The following NUDT7 variants were observed in gnomAD, a reference collection of about 807,000 sequenced individuals.
NUDT7 encodes the protein peroxisomal coenzyme A diphosphatase NUDT7.
NUDT7 carries 19 observed loss-of-function variants against 13.1 expected under a neutral mutation model. The observed-to-expected ratio is 1.45, with a 90% CI of 1.01 to 2.13. The LOEUF is 2.13. Among genes scored for constraint, NUDT7 ranks in the 30% most tolerant of loss-of-function variants. The pLI, the probability that NUDT7 is intolerant of heterozygous loss-of-function variation, is 0.00. For synonymous variants in NUDT7, 132 were observed against 109.7 expected (o/e 1.20, Z -1.27); for missense variants, 360 against 291.7 (o/e 1.23, Z -1.71).
intron 2 of NUDT7, 98 bp from the exon 3 acceptor site, chr16:77,735,730 C>A: frequency 2.7e-6 from 3 of 1,124,318 alleles, no homozygotes; most frequent in South Asian, 1.5e-5. Context: ...TAAGAATGGT[C>A]TCTGGTACAA....
intron 2 of NUDT7, among the ~76,000 whole-genome samples, chr16:77,733,594 A>G (rs16946398): frequency 0.1 from 15,628 of 152,284 alleles, 919 homozygotes; most frequent in African/African-American, 0.16. Context: ...TAGGTGCTAA[A>G]AATGGCAACA....
intron 2 of NUDT7, among the ~76,000 whole-genome samples, chr16:77,728,198 A>T (rs1033686163): frequency 6.6e-6 from 1 of 152,070 alleles, no homozygotes; most frequent in Admixed American, 6.5e-5. Flanking sequence ...ACCCTTCTCA[A>T]ATGTGCAATC....
chr16:77,738,517 A>T (rs17773587), intron 3 of NUDT7, among the ~76,000 whole-genome samples: 18,564 of 152,170 alleles, frequency 0.12, 1,236 homozygotes, highest in African/African-American at 0.16. Context: ...GCATAATCTA[A>T]TCTACGTGGC....
chr16:77,737,555 G>C (rs578154488), intron 3 of NUDT7: 1 of 151,648 alleles, frequency 6.6e-6, no homozygotes, highest in East Asian at 1.9e-4. Flanking sequence ...GTGCAAACTC[G>C]GCTCACTGCA....
chr16:77,734,073 G>A (rs543232586), intron 2 of NUDT7, among the ~76,000 whole-genome samples: 2 of 152,210 alleles, frequency 1.3e-5, no homozygotes, highest in Admixed American at 6.5e-5. Flanking sequence ...GGCAATGCGG[G>A]GAAAGAGGAG....
At chr16:77,723,406 A>C (rs751388608) in intron 1 of NUDT7, among the ~76,000 whole-genome samples, 15 of 152,074 alleles carry the variant, frequency 9.9e-5, no homozygotes, top group Admixed American at 6.5e-5. Flanking sequence ...AAGAGGCAAA[A>C]AATAGCAAAT....
At chr16:77,735,230 C>T (rs28730364) in intron 2 of NUDT7, among the ~76,000 whole-genome samples, 3,465 of 152,152 alleles carry the variant, frequency 0.023, 139 homozygotes, top group African/African-American at 0.078. Flanking sequence ...CATGTTCAGT[C>T]GTAAACCCCA....
At chr16:77,733,282 G>A (rs778246876) in intron 2 of NUDT7, among the ~76,000 whole-genome samples, 6 of 152,218 alleles carry the variant, frequency 3.9e-5, no homozygotes, top group African/African-American at 1.4e-4. Context: ...TGGAGGCTGG[G>A]AAGTCCAAGA....
intron 2 of NUDT7, 79 bp from the exon 3 acceptor site, chr16:77,735,749 T>G: frequency 7.6e-7 from 1 of 1,307,380 alleles, no homozygotes; most frequent in South Asian, 1.4e-5. Flanking sequence ...AAAATAGAAG[T>G]CCAGTAAGTA....
Position 77,722,573 on chromosome 16 carries a change from C to A in NUDT7, c.-10C>A. 1.9e-6 allele frequency: 3 copies of A among 1,586,832 alleles called. No homozygotes were observed. The highest frequency in any genetic ancestry group is 2.6e-6 in the Non-Finnish European group (3 of 1,165,730). On this transcript the variant is annotated 5_prime_UTR_variant, in exon 1 of 4. Coordinates refer to ENST00000268533, the MANE Select transcript of NUDT7 (RefSeq NM_001105663.3). ...AGGAGTCCGCCCGGAAACAAACATT[C>A]CCCAGGGCAATGTCACGACTTGGTC... is the stretch of plus-strand genomic sequence containing the variant.
chr16:77,739,047 C>T (rs999440365), intron 3 of NUDT7, among the ~76,000 whole-genome samples: 5 of 152,160 alleles, frequency 3.3e-5, no homozygotes, highest in Admixed American at 6.5e-5. Context: ...GCAGCAACCA[C>T]GAATATTTAC....
chr16:77,741,346 A>T, intron 3 of NUDT7: 1 of 435,138 alleles, frequency 2.3e-6, no homozygotes. Context: ...AAAAGATTGT[A>T]CTACTTTATG....
rs187896516 is a variant in NUDT7, at chr16:77,736,901, A to C, written c.348+915A>C. 3.1e-3 allele frequency among the ~76,000 whole-genome samples: 470 copies of C among 152,284 alleles called. 3 individuals carry two copies. Among genetic ancestry groups the C allele is most frequent in the African/African-American group, 0.011 (443 of 41,556 alleles). Reference sequence around the variant, plus strand: ...TTTACCATATAAATGTTTTAATAAAACCTTTAATTTTAATTTCAGAATAGC... The same window carrying C: ...TTTACCATATAAATGTTTTAATAAACCCTTTAATTTTAATTTCAGAATAGC... On this transcript the variant is annotated intron_variant, in intron 3 of 3. Coordinates refer to ENST00000268533, the MANE Select transcript of NUDT7 (RefSeq NM_001105663.3).
At chr16:77,732,326 CAAAAA>C (rs371733996) in intron 2 of NUDT7, among the ~76,000 whole-genome samples, 1 of 124,160 alleles carries the variant, frequency 8.1e-6, no homozygotes, top group Non-Finnish European at 1.7e-5. Flanking sequence ...GAACACGTCT[CAAAAA>C]AAAAAAAGAA....
chr16:77,725,424 A>G lies in NUDT7; in HGVS notation c.36-7A>G. On this transcript the variant is annotated splice_region_variant and splice_polypyrimidine_tract_variant and intron_variant, in intron 1 of 3. Transcript: ENST00000268533. The stretch of plus-strand genomic sequence containing the variant: ...TAAAATGTCTGTCTGGTTTGTTTTT[A>G]TTTTAGAAACAGTTTGCTAGATGAT... The G allele has an allele frequency of 1.2e-6, 2 of 1,606,074 alleles. No homozygotes were observed. Among genetic ancestry groups the G allele is most frequent in the African/African-American group, 1.3e-5 (1 of 74,706 alleles).
At chr16:77,724,839 G>C (rs2014079319) in intron 1 of NUDT7, among the ~76,000 whole-genome samples, 1 of 152,218 alleles carries the variant, frequency 6.6e-6, no homozygotes, top group Non-Finnish European at 1.5e-5. Context: ...TTCTCAGAAT[G>C]TGTTCCCCTG....
At chr16:77,739,301 T>C (rs981882210) in intron 3 of NUDT7, among the ~76,000 whole-genome samples, 9 of 152,206 alleles carry the variant, frequency 5.9e-5, no homozygotes, top group Admixed American at 1.3e-4. Context: ...TTTATGGTTA[T>C]TTCTTGATCA....
In NUDT7 at chr16:77,735,964, G is replaced by A. The variant is rs1384136873; in HGVS notation, c.326G>A (p.Cys109Tyr). Residue 109 changes from cysteine to tyrosine, a missense_variant, in exon 3 of 4, where the codon TGC (cysteine) becomes TAC (tyrosine). Cys to Tyr is a radical substitution (Grantham distance 194). Transcript: ENST00000268533. The part of the protein sequence containing the change: ...LRPHQVEVVC[C>Y]LVPCLIDTDT... The stretch of plus-strand genomic sequence containing the variant: ...CCTCACCAAGTGGAAGTTGTCTGCT[G>A]CCTGGTGCCATGTCTTATTGATGTA... 1 of 1,613,988 alleles carries A rather than the reference G, an allele frequency of 6.2e-7. No individual in the cohort carries two copies. Among genetic ancestry groups the A allele is most frequent in the Non-Finnish European group, 8.5e-7 (1 of 1,180,010 alleles).
At chr16:77,725,623 A>T in intron 2 of NUDT7, 39 bp downstream of exon 2, 1 of 1,584,970 alleles carries the variant, frequency 6.3e-7, no homozygotes, top group Non-Finnish European at 8.6e-7. Flanking sequence ...AAACCTCAGG[A>T]CATCAGAAGA....
Sources: gnomAD v4.1 joint callset for allele counts (sites outside exome capture counted in the v4.1 genomes callset) on GRCh38, gnomAD v4.1.1 for gene constraint, MANE v1.5 for transcripts, NCBI Gene and HGNC (gene_info 2026-07-23, HGNC 2026-07-21) for gene names.